Variants in ITSN1 observed in about 807,000 individuals in gnomAD.
The protein encoded by ITSN1 is intersectin 1.
A neutral mutation model predicts 239.8 loss-of-function variants in ITSN1; 58 were observed. That is an observed-to-expected ratio of 0.24 (90% CI 0.20 to 0.30). The LOEUF (loss-of-function observed/expected upper bound fraction) is 0.30. Among genes scored for constraint, ITSN1 ranks in the 10% least tolerant of loss-of-function variants. The pLI is 1.00. For missense variants in ITSN1, 1,558 were observed against 2,103.3 expected (o/e 0.74, Z 5.07); for synonymous variants, 780 against 770.8 (o/e 1.01, Z -0.20).
At chr21:33,727,483 T>C (rs1175619710) in intron 4 of ITSN1, among the ~76,000 whole-genome samples, 3 of 151,934 alleles carry the variant, frequency 2.0e-5, no homozygotes, top group Non-Finnish European at 2.9e-5. Flanking sequence ...AACTTTGTGA[T>C]CTGGTTCAGA....
intron 14 of ITSN1, among the ~76,000 whole-genome samples, chr21:33,781,163 T>A (rs1008103879): frequency 6.6e-6 from 1 of 152,206 alleles, no homozygotes; most frequent in Non-Finnish European, 1.5e-5. Flanking sequence ...TTGCTTCAAT[T>A]TATCTCTGTG....
At chr21:33,779,025 C>A (rs896346497) in intron 14 of ITSN1, among the ~76,000 whole-genome samples, 13 of 151,900 alleles carry the variant, frequency 8.6e-5, no homozygotes, top group Non-Finnish European at 1.5e-4. Context: ...CTCCTTTCTC[C>A]TACTCTATCT....
intron 8 of ITSN1, among the ~76,000 whole-genome samples, chr21:33,756,287 CAAAAAAAAA>C (rs923721086): frequency 3.5e-5 from 2 of 56,776 alleles, no homozygotes; most frequent in Non-Finnish European, 7.6e-5. Context: ...GACTCCGTCT[CAAAAAAAAA>C]AAAAAAAAAA....
intron 1 of ITSN1, among the ~76,000 whole-genome samples, chr21:33,676,027 C>CT (rs1052610521): frequency 4.0e-5 from 6 of 149,958 alleles, no homozygotes; most frequent in Admixed American, 2.7e-4. Context: ...TATGATTTTC[C>CT]TTTTTTTTGT....
chr21:33,799,837 G>A lies in ITSN1; in HGVS notation c.2212G>A (p.Glu738Lys), dbSNP rs751698164. 35 of 1,613,772 alleles carry A rather than the reference G, an allele frequency of 2.2e-5. No homozygotes were observed. In the South Asian group the frequency reaches 3.7e-4, roughly 17 times the overall value. The change falls in exon 19 of 40, where the codon GAA becomes AAA. Residue 738 changes from glutamate (E) to lysine (K), a missense_variant. Glu to Lys is a moderately conservative substitution (Grantham distance 56). This residue lies in a region of ITSN1 where 982 missense variants were observed against 1,209.9 expected (regional missense o/e 0.81). Transcript: ENST00000381318. Reference sequence around the variant, plus strand: ...AGGTCCACTTACCATTTCTGCACAGGAAAATGTAAAAGTGGTGTATTACCG... The same window carrying A: ...AGGTCCACTTACCATTTCTGCACAGAAAAATGTAAAAGTGGTGTATTACCG... Reference protein sequence around the residue: ...EKGPLTISAQENVKVVYYRAL... With the variant: ...EKGPLTISAQKNVKVVYYRAL...
intron 18 of ITSN1, among the ~76,000 whole-genome samples, chr21:33,799,374 C>T (rs1248609913): frequency 1.3e-5 from 2 of 152,156 alleles, no homozygotes; most frequent in Non-Finnish European, 2.9e-5. Flanking sequence ...GAAACTGGTG[C>T]CTCTGTTCCC....
intron 1 of ITSN1, among the ~76,000 whole-genome samples, chr21:33,661,371 AGGGCTGAGATTTAATAAAG>A (rs2089544413): frequency 6.6e-6 from 1 of 152,206 alleles, no homozygotes; most frequent in Admixed American, 6.5e-5. Context: ...TGTGTACTCA[AGGGCTGAGATTTAATAAAG>A]TAATAATTTT....
chr21:33,753,640 T>C (rs1331942352), intron 7 of ITSN1, among the ~76,000 whole-genome samples: 3 of 151,782 alleles, frequency 2.0e-5, no homozygotes, highest in African/African-American at 7.3e-5. Flanking sequence ...CGGGCACCTG[T>C]AATCCCAGCT....
intron 8 of ITSN1, chr21:33,757,002 G>A (rs2067968989): frequency 6.6e-6 from 1 of 152,106 alleles, no homozygotes; most frequent in South Asian, 2.1e-4. Context: ...CTGACCTCAG[G>A]TGATCCACCC....
intron 1 of ITSN1, among the ~76,000 whole-genome samples, chr21:33,692,965 T>C (rs1456370124): frequency 3.9e-5 from 6 of 152,010 alleles, no homozygotes; most frequent in Non-Finnish European, 7.4e-5. Flanking sequence ...CCAGGCTGAT[T>C]TTTGTATTTG....
intron 29 of ITSN1, among the ~76,000 whole-genome samples, chr21:33,848,062 C>G (rs1352984918): frequency 6.6e-6 from 1 of 152,246 alleles, no homozygotes; most frequent in Non-Finnish European, 1.5e-5. Context: ...CCGCACTGAT[C>G]CCCTGAAACA....
chr21:33,774,789 G>C lies in ITSN1; in HGVS notation c.1366G>C (p.Glu456Gln). ...QLEWERNRRQ[E>Q]LLNQRNKEQE... is the part of the protein sequence containing the mutation. ...TGAGTGGGAACGGAATCGAAGGCAA[G>C]AACTACTAAATCAAAGAAACAAAGA... is the stretch of plus-strand genomic sequence containing the variant. The change falls in exon 13 of 40, where the codon GAA becomes CAA. Residue 456 changes from glutamate to glutamine, a missense_variant. Physicochemically the swap from Glu to Gln is conservative, Grantham distance 29 (BLOSUM62 2). This residue lies in a region of ITSN1 where 982 missense variants were observed against 1,209.9 expected (regional missense o/e 0.81). Coordinates refer to ENST00000381318, the MANE Select transcript of ITSN1 (RefSeq NM_003024.3). 1 of 1,613,966 alleles carries C rather than the reference G, an allele frequency of 6.2e-7. No individual in the cohort carries two copies. The highest frequency in any genetic ancestry group is 8.5e-7 in the Non-Finnish European group (1 of 1,179,944).
chr21:33,884,972 T>A, intron 36 of ITSN1, 69 bp from the exon 37 acceptor site: 1 of 1,093,250 alleles, frequency 9.1e-7, no homozygotes, highest in Admixed American at 1.8e-5. Context: ...CTGGCAACAG[T>A]GTTTGAACAG....
chr21:33,654,413 G>A, intron 1 of ITSN1, among the ~76,000 whole-genome samples: 1 of 151,996 alleles, frequency 6.6e-6, no homozygotes, highest in South Asian at 2.1e-4. Context: ...TAGACTCTTA[G>A]CAAGAGTCTA....
In ITSN1 at chr21:33,797,295, A is replaced by T. The variant is rs2071635467; in HGVS notation, c.1953-84A>T. On this transcript the variant is annotated intron_variant, in intron 17 of 39. Transcript: ENST00000381318. The surrounding 1 kb of genome is among the most constrained non-coding windows in gnomAD (Gnocchi z 4.9). Reference sequence around the variant, plus strand: ...TTGATGTTCCCATCCCATTTACTGGATGGAGCTTTTTTTGTGAAAAGAGGC... The same window carrying T: ...TTGATGTTCCCATCCCATTTACTGGTTGGAGCTTTTTTTGTGAAAAGAGGC... 8.7e-7 allele frequency: 1 copy of T among 1,149,290 alleles called. No homozygotes were observed. Among genetic ancestry groups the T allele is most frequent in the African/African-American group, 1.5e-5 (1 of 65,192 alleles). The allele number at this position is 1,149,290 out of a possible 1,614,324, so 71.2% of individuals were successfully genotyped here.
intron 4 of ITSN1, among the ~76,000 whole-genome samples, chr21:33,727,569 G>A (rs1331338158): frequency 2.0e-5 from 3 of 147,848 alleles, no homozygotes; most frequent in Non-Finnish European, 4.4e-5. Flanking sequence ...TGTCAGAAGG[G>A]CCTTCAGCCC....
At chr21:33,844,583 C>T (rs759140379) in intron 29 of ITSN1, among the ~76,000 whole-genome samples, 10 of 152,176 alleles carry the variant, frequency 6.6e-5, no homozygotes, top group Non-Finnish European at 4.4e-5. Flanking sequence ...TGCCCCAAAG[C>T]GCTGTCTCCA....
chr21:33,846,978 T>C (rs2075008136), intron 29 of ITSN1, among the ~76,000 whole-genome samples: 1 of 152,220 alleles, frequency 6.6e-6, no homozygotes, highest in African/African-American at 2.4e-5. Context: ...CTGTCTCCCC[T>C]ACCAAAATGG....
At chr21:33,646,575 G>A (rs529284826) in intron 1 of ITSN1, among the ~76,000 whole-genome samples, 1 of 152,232 alleles carries the variant, frequency 6.6e-6, no homozygotes, top group Non-Finnish European at 1.5e-5. Flanking sequence ...AGAATATTGT[G>A]TTTGACCACA....
Sources: allele counts gnomAD v4.1 joint callset (sites outside exome capture counted in the v4.1 genomes callset), GRCh38; gene constraint gnomAD v4.1.1; regional missense constraint gnomAD v4.1.1; non-coding constraint Gnocchi (gnomAD v3.1); transcripts MANE v1.5; gene names NCBI Gene and HGNC (gene_info 2026-07-23, HGNC 2026-07-21).